The following UNC13B variants were observed in gnomAD, a reference collection of about 807,000 sequenced individuals.
UNC13B encodes unc-13 homolog B, also known as protein unc-13 homolog B.
Under a neutral mutation model 211.0 loss-of-function variants are expected in UNC13B, and 144 were observed. The observed-to-expected ratio is 0.68, with a 90% CI of 0.60 to 0.78. The LOEUF is 0.78. Ranked by LOEUF, UNC13B falls within the 30% of genes least tolerant of loss-of-function variation. UNC13B has a pLI of 0.00. For missense variants in UNC13B, 1,777 were observed against 2,002.0 expected (o/e 0.89, Z 2.14); for synonymous variants, 709 against 725.8 (o/e 0.98, Z 0.37).
intron 1 of UNC13B, among the ~76,000 whole-genome samples, chr9:35,218,616 C>T (rs1824389737): frequency 1.3e-5 from 2 of 151,958 alleles, no homozygotes; most frequent in South Asian, 4.1e-4. Flanking sequence ...AGGCTCATCT[C>T]AGGCTCCTGG....
At chr9:35,386,068 G>C (rs574390956) in intron 23 of UNC13B, 97 bp from the exon 24 acceptor site, 1 of 1,556,826 alleles carries the variant, frequency 6.4e-7, no homozygotes, top group South Asian at 1.2e-5. Context: ...CCCAGACAGG[G>C]ATGAAAGAAT....
In UNC13B at chr9:35,403,458, T is replaced by C. The variant is rs1836463998; in HGVS notation, c.12596T>C (p.Leu4199Pro). The part of the protein sequence containing the change: ...VTVKVVAAND[L>P]KWQTAGMFRP... ...TGGGCAGTGGTGGCTGCCAATGACC[T>C]CAAGTGGCAGACAGCGGGTATGTTC... The change falls in exon 39 of 40, where the codon CTC (leucine) becomes CCC (proline). Residue 4199 changes from leucine to proline, a missense_variant. Coordinates refer to ENST00000635942, the MANE Select transcript of UNC13B (RefSeq NM_001371189.2). 3 of 1,613,842 alleles carry C rather than the reference T, an allele frequency of 1.9e-6. No individual in the cohort carries two copies. The highest frequency in any genetic ancestry group is 2.5e-6 in the Non-Finnish European group (3 of 1,179,998).
At chr9:35,291,921 C>T (rs906868924) in intron 7 of UNC13B, among the ~76,000 whole-genome samples, 4 of 152,170 alleles carry the variant, frequency 2.6e-5, no homozygotes, top group Non-Finnish European at 5.9e-5. Context: ...AGCAGCTTGA[C>T]CCATTTATGC....
intron 23 of UNC13B, 141 bp downstream of exon 23, chr9:35,385,954 G>C: frequency 1.4e-6 from 2 of 1,388,540 alleles, no homozygotes; most frequent in East Asian, 2.3e-5. Flanking sequence ...CTGTTCCCTG[G>C]GTTACTTCTG....
chr9:35,180,630 T>G (rs1434624620), intron 1 of UNC13B, among the ~76,000 whole-genome samples: 1 of 152,202 alleles, frequency 6.6e-6, no homozygotes, highest in Non-Finnish European at 1.5e-5. Flanking sequence ...ACTGCATTGT[T>G]TAATTAAGTC....
At chr9:35,339,065 G>A (rs1003160192) in intron 11 of UNC13B, among the ~76,000 whole-genome samples, 2 of 152,158 alleles carry the variant, frequency 1.3e-5, no homozygotes, top group Non-Finnish European at 2.9e-5. Flanking sequence ...ACAACTCTGC[G>A]TGAGTGTCAG....
chr9:35,396,552 A>G lies in UNC13B; in HGVS notation c.11385A>G (p.Glu3795=), dbSNP rs769071441. Residue 3795 remains glutamate (E), a synonymous_variant, in exon 27 of 40, where the codon GAA becomes GAG. Coordinates refer to ENST00000635942, the MANE Select transcript of UNC13B (RefSeq NM_001371189.2). ...LHFKVKWLHN[E]YVRDLPVLQG... ...TCAAGGTGAAGTGGCTCCACAATGA[A>G]TACGTGCGGGATCTGCCTGTCCTCC... 1.9e-6 allele frequency: 3 copies of G among 1,614,062 alleles called. No individual in the cohort carries two copies. The Admixed American group carries it at 5.0e-5, about 27-fold the overall frequency.
At chr9:35,378,749 C>T (rs753154436) in intron 17 of UNC13B, among the ~76,000 whole-genome samples, 8 of 152,122 alleles carry the variant, frequency 5.3e-5, no homozygotes, top group Non-Finnish European at 1.0e-4. Context: ...CAGGGACTGA[C>T]TGCCTTATTG....
chr9:35,273,673 A>G (rs1273433992), intron 7 of UNC13B, among the ~76,000 whole-genome samples: 1 of 152,160 alleles, frequency 6.6e-6, no homozygotes, highest in Non-Finnish European at 1.5e-5. Flanking sequence ...TGCCTGCTCT[A>G]CAAGTGATGA....
In UNC13B at chr9:35,386,154, T is replaced by C; in HGVS notation, c.10966-11T>C. The C allele has an allele frequency of 6.2e-7, 1 of 1,614,090 alleles. No individual in the cohort carries two copies. Among genetic ancestry groups the C allele is most frequent in the East Asian group, 2.2e-5 (1 of 44,876 alleles). On this transcript the variant is annotated splice_polypyrimidine_tract_variant and intron_variant, in intron 23 of 39. Coordinates refer to ENST00000635942, the MANE Select transcript of UNC13B (RefSeq NM_001371189.2). ...GGTCCTTGGGCCCATATTTCTTCTT[T>C]TAATTGGCAGGTACAAGAACTGCAA...
intron 7 of UNC13B, among the ~76,000 whole-genome samples, chr9:35,260,185 G>A (rs1419597168): frequency 6.7e-6 from 1 of 149,610 alleles, no homozygotes; most frequent in Non-Finnish European, 1.5e-5. Context: ...ACTGCAGCCT[G>A]GGCAACAGAG....
At chr9:35,299,748 T>A (rs1829579876) in intron 8 of UNC13B, among the ~76,000 whole-genome samples, 1 of 152,330 alleles carries the variant, frequency 6.6e-6, no homozygotes, top group African/African-American at 2.4e-5. Flanking sequence ...GCAATTTTAT[T>A]GTTCTAGTCT....
At chr9:35,335,676 A>G (rs1310601758) in intron 11 of UNC13B, among the ~76,000 whole-genome samples, 1 of 150,534 alleles carries the variant, frequency 6.6e-6, no homozygotes, top group Non-Finnish European at 1.5e-5. Context: ...TCTCTCTAAA[A>G]TATTCTTCCT....
At chr9:35,184,799 AGCGGG>A (rs774325102) in intron 1 of UNC13B, among the ~76,000 whole-genome samples, 4 of 2,830 alleles carry the variant, frequency 1.4e-3, no homozygotes, top group South Asian at 0.016. Context: ...AAGAGAAAGA[AGCGGG>A]GGGGGGGGGG....
chr9:35,404,173 G>C lies in UNC13B; in HGVS notation c.*140G>C, dbSNP rs556733994. 3 of 1,215,370 alleles carry C rather than the reference G, an allele frequency of 2.5e-6. No individual in the cohort carries two copies. The East Asian group carries it at 7.7e-5, about 31-fold the overall frequency. The allele number at this position is 1,215,370 out of a possible 1,614,324, so 75.3% of individuals were successfully genotyped here. Reference sequence around the variant, plus strand: ...TTAAAGATATTTAAGGAAAAATTTGGGGTGGTGATAATATGGCTTTTCACA... The same window carrying C: ...TTAAAGATATTTAAGGAAAAATTTGCGGTGGTGATAATATGGCTTTTCACA... On this transcript the variant is annotated 3_prime_UTR_variant, in exon 40 of 40. Coordinates refer to ENST00000635942, the MANE Select transcript of UNC13B (RefSeq NM_001371189.2).
chr9:35,218,998 C>T (rs1429519720), intron 1 of UNC13B, among the ~76,000 whole-genome samples: 3 of 152,152 alleles, frequency 2.0e-5, no homozygotes, highest in Non-Finnish European at 2.9e-5. Flanking sequence ...ATCTGCCTGC[C>T]TCGGCCTCCC....
At chr9:35,275,122 CAG>C (rs1201475299) in intron 7 of UNC13B, among the ~76,000 whole-genome samples, 1 of 151,974 alleles carries the variant, frequency 6.6e-6, no homozygotes, top group Admixed American at 6.5e-5. Flanking sequence ...AAGAGCAGCT[CAG>C]AGTCTTTTTT....
intron 26 of UNC13B, among the ~76,000 whole-genome samples, chr9:35,391,618 G>A (rs937786892): frequency 1.3e-5 from 2 of 152,244 alleles, no homozygotes; most frequent in African/African-American, 4.8e-5. Flanking sequence ...GAGCAGGGCT[G>A]CCTGCTGTCA....
chr9:35,175,176 A>G (rs1821557320), intron 1 of UNC13B, among the ~76,000 whole-genome samples: 1 of 152,266 alleles, frequency 6.6e-6, no homozygotes, highest in Non-Finnish European at 1.5e-5. Flanking sequence ...GATCTGTGAG[A>G]TAAGTTACAT....
Sources: gnomAD v4.1 joint callset for allele counts (sites outside exome capture counted in the v4.1 genomes callset) on GRCh38, gnomAD v4.1.1 for gene constraint, MANE v1.5 for transcripts, NCBI Gene and HGNC (gene_info 2026-07-23, HGNC 2026-07-21) for gene names.